The following PCGF5 variants were observed in gnomAD, a reference collection of about 807,000 sequenced individuals.
The protein encoded by PCGF5 is polycomb group RING finger protein 5.
A neutral mutation model predicts 44.3 loss-of-function variants in PCGF5; 9 were observed. The observed-to-expected ratio is 0.20, with a 90% CI of 0.12 to 0.35. PCGF5 has a LOEUF of 0.35. PCGF5 is among the 10% of genes least tolerant of loss of function. The pLI, the probability that PCGF5 is intolerant of heterozygous loss-of-function variation, is 1.00. For missense variants in PCGF5, 146 were observed against 305.3 expected, an observed-to-expected ratio of 0.48 and a Z score of 3.89; for synonymous variants, 95 against 102.5, an observed-to-expected ratio of 0.93 and a Z score of 0.44.
intron 3 of PCGF5, among the ~76,000 whole-genome samples, chr10:91,248,301 G>T (rs1426777768): frequency 6.6e-6 from 1 of 152,066 alleles, no homozygotes; most frequent in Non-Finnish European, 1.5e-5. Context: ...GAGAGCTGGG[G>T]ACTGGGACCA....
chr10:91,174,518 C>T (rs1169073290), intron 1 of PCGF5, among the ~76,000 whole-genome samples: 1 of 152,118 alleles, frequency 6.6e-6, no homozygotes, highest in Non-Finnish European at 1.5e-5. Context: ...AAACAAAAAA[C>T]TGTATTTTTA....
intron 7 of PCGF5, 101 bp from the exon 8 acceptor site, chr10:91,264,330 T>A: frequency 2.3e-6 from 2 of 881,418 alleles, no homozygotes; most frequent in Middle Eastern, 3.0e-4. Flanking sequence ...GATAATACTT[T>A]TGTTCCAACT....
At chr10:91,225,261 A>G (rs1411360895) in intron 2 of PCGF5, among the ~76,000 whole-genome samples, 1 of 147,836 alleles carries the variant, frequency 6.8e-6, no homozygotes, top group African/African-American at 2.5e-5. Context: ...TATCGTATAT[A>G]TGTATATACG....
chr10:91,251,769 G>A (rs1010806854), intron 6 of PCGF5, among the ~76,000 whole-genome samples: 1 of 151,828 alleles, frequency 6.6e-6, no homozygotes, highest in Non-Finnish European at 1.5e-5. Flanking sequence ...TCATGTCACT[G>A]GTAGTTCTAG....
chr10:91,271,538 T>A, intron 8 of PCGF5, 100 bp from the exon 9 acceptor site: 2 of 895,886 alleles, frequency 2.2e-6, no homozygotes, highest in East Asian at 5.6e-5. Flanking sequence ...ATTAATCATG[T>A]TGACTCTTGT....
intron 2 of PCGF5, among the ~76,000 whole-genome samples, chr10:91,237,659 A>C (rs1589386929): frequency 6.6e-6 from 1 of 151,910 alleles, no homozygotes. Flanking sequence ...CAGGAGAATC[A>C]CTTGAACCTG....
At chr10:91,276,953 A>G (rs1846331475) in intron 9 of PCGF5, among the ~76,000 whole-genome samples, 1 of 152,198 alleles carries the variant, frequency 6.6e-6, no homozygotes, top group African/African-American at 2.4e-5. Context: ...GCTCCCTCCC[A>G]GGTAATCTGA....
chr10:91,199,674 G>C (rs1368548535), intron 1 of PCGF5, among the ~76,000 whole-genome samples: 1 of 152,180 alleles, frequency 6.6e-6, no homozygotes, highest in African/African-American at 2.4e-5. Flanking sequence ...GCTAGTTTTA[G>C]TTTAATACTG....
At chr10:91,186,883 G>T (rs1168304884) in intron 1 of PCGF5, among the ~76,000 whole-genome samples, 1 of 152,114 alleles carries the variant, frequency 6.6e-6, no homozygotes, top group East Asian at 1.9e-4. Context: ...CAAGGTGAGG[G>T]TTTGCTTCAT....
intron 1 of PCGF5, among the ~76,000 whole-genome samples, chr10:91,175,514 C>A (rs982518931): frequency 2.0e-5 from 3 of 150,714 alleles, no homozygotes; most frequent in Admixed American, 2.0e-4. Flanking sequence ...ATTCAACAAC[C>A]CTATAACCTT....
intron 2 of PCGF5, among the ~76,000 whole-genome samples, chr10:91,238,497 A>G (rs979480489): frequency 6.6e-6 from 1 of 151,790 alleles, no homozygotes; most frequent in African/African-American, 2.4e-5. Flanking sequence ...AAGGATTGCC[A>G]ACCCGTTGAG....
rs545026436 is a variant in PCGF5, at chr10:91,239,503, C to T, written c.113-981C>T. On this transcript the variant is annotated intron_variant, in intron 2 of 9. Coordinates refer to ENST00000336126, the MANE Select transcript of PCGF5 (RefSeq NM_032373.5). ...AAGTAAACTTTTAGATAGTGTTGAT[C>T]TTGAGGAGAAAGAAGTAGCTTGAAA... Among the ~76,000 whole-genome samples, 3 of 152,046 alleles carry T rather than the reference C, an allele frequency of 2.0e-5. No individual in the cohort carries two copies. The East Asian group carries it at 5.8e-4, about 29-fold the overall frequency.
At chr10:91,198,545 A>G (rs540687899) in intron 1 of PCGF5, among the ~76,000 whole-genome samples, 114 of 152,272 alleles carry the variant, frequency 7.5e-4, no homozygotes, top group Non-Finnish European at 1.4e-3. Flanking sequence ...CAGCATGACC[A>G]TTGGCAAAGC....
chr10:91,278,496 C>A lies in PCGF5; in HGVS notation c.*180C>A. On this transcript the variant is annotated 3_prime_UTR_variant, in exon 10 of 10. Coordinates refer to ENST00000336126, the MANE Select transcript of PCGF5 (RefSeq NM_032373.5). ...CATGTTGTTTCTATTAGGAGCAAAC[C>A]AAGTGCCATTCTGCTACTGAACCAT... The A allele has an allele frequency of 1.6e-6, 1 of 611,690 alleles. No homozygotes were observed. Among genetic ancestry groups the A allele is most frequent in the South Asian group, 2.1e-5 (1 of 48,754 alleles). The allele number at this position is 611,690 out of a possible 1,614,324, so 37.9% of individuals were successfully genotyped here. A position where few individuals can be genotyped will look rare whatever the true frequency, so the allele number is the denominator to read the frequency against.
At position 91,192,063 on chromosome 10, in the gene PCGF5, TA is replaced by T. The variant is rs1255524255; in HGVS notation, c.-184+28983del. ...TCTAATGTGATTTTGGCTCCAAAAT[TA>T]TTTTTTTTCTTTATAGTTTTGTCAT... On this transcript the variant is annotated intron_variant, in intron 1 of 9. Transcript: ENST00000614189. Among the ~76,000 whole-genome samples the T allele has an allele frequency of 2.6e-5, 4 of 152,194 alleles. No individual in the cohort carries two copies. The East Asian group carries it at 5.8e-4, about 22-fold the overall frequency.
chr10:91,170,137 G>T (rs1202430881), intron 1 of PCGF5, among the ~76,000 whole-genome samples: 1 of 152,162 alleles, frequency 6.6e-6, no homozygotes, highest in Admixed American at 6.5e-5. Context: ...AATTCAAAAT[G>T]GATCACAGAC....
At chr10:91,170,215 T>G (rs1468317903) in intron 1 of PCGF5, among the ~76,000 whole-genome samples, 2 of 152,240 alleles carry the variant, frequency 1.3e-5, no homozygotes, top group Non-Finnish European at 2.9e-5. Flanking sequence ...TTGGGTTTGG[T>G]GATGACTTTT....
intron 2 of PCGF5, among the ~76,000 whole-genome samples, chr10:91,228,911 C>T (rs1172208917): frequency 1.3e-5 from 2 of 152,180 alleles, no homozygotes; most frequent in Non-Finnish European, 2.9e-5. Flanking sequence ...TCTGTAATAA[C>T]AAGCCCTGCA....
chr10:91,255,747 A>G (rs891595686), intron 6 of PCGF5, among the ~76,000 whole-genome samples: 1 of 152,098 alleles, frequency 6.6e-6, no homozygotes, highest in Admixed American at 6.6e-5. Flanking sequence ...CAACAACAAC[A>G]ACAAAATATG....
Sources: allele counts gnomAD v4.1 joint callset (sites outside exome capture counted in the v4.1 genomes callset), GRCh38; gene constraint gnomAD v4.1.1; transcripts MANE v1.5; gene names NCBI Gene and HGNC (gene_info 2026-07-23, HGNC 2026-07-21).